The following STOM variants were observed in gnomAD, a reference collection of about 807,000 sequenced individuals.
The protein encoded by STOM is stomatin.
STOM carries 25 observed loss-of-function variants against 30.6 expected under a neutral mutation model. That is an observed-to-expected ratio of 0.82 (90% CI 0.60 to 1.14). The LOEUF (loss-of-function observed/expected upper bound fraction) is 1.14. Among genes scored for constraint, STOM ranks in the 50% most tolerant of loss-of-function variants. The pLI, the probability that STOM is intolerant of heterozygous loss-of-function variation, is 0.00. For synonymous variants in STOM, 118 were observed against 130.8 expected, an observed-to-expected ratio of 0.90 and a Z score of 0.67; for missense variants, 292 against 365.2, an observed-to-expected ratio of 0.80 and a Z score of 1.63.
At position 121,349,426 on chromosome 9, in the gene STOM, T is replaced by C; in HGVS notation, c.322-103A>G. ...AATATCTTATAACACTAGCTGATTT[T>C]CTTTAGTAAGGCATCAGAAAGTTAA... On this transcript the variant is annotated intron_variant, in intron 4 of 6. Transcript: ENST00000286713. 6.2e-6 allele frequency: 6 copies of C among 962,638 alleles called. No homozygotes were observed. In the South Asian group the frequency reaches 1.0e-4, roughly 16 times the overall value. 59.6% of individuals were successfully genotyped at this position (962,638 alleles called of 1,614,324 possible).
chr9:121,361,490 G>A (rs578085106), intron 1 of STOM, among the ~76,000 whole-genome samples: 7 of 140,614 alleles, frequency 5.0e-5, no homozygotes, highest in African/African-American at 1.8e-4. Flanking sequence ...CTGGGTTCAC[G>A]CCATTCTCTT....
intron 1 of STOM, among the ~76,000 whole-genome samples, chr9:121,358,155 T>A (rs564065156): frequency 0.048 from 7,046 of 145,416 alleles, 245 homozygotes; most frequent in Admixed American, 0.1. Context: ...AAAAAAAAAA[T>A]AATAATAATA....
At chr9:121,360,393 G>A (rs192791583) in intron 1 of STOM, among the ~76,000 whole-genome samples, 2 of 151,950 alleles carry the variant, frequency 1.3e-5, no homozygotes, top group Admixed American at 6.6e-5. Context: ...TTATTACACT[G>A]AGATTCCCTG....
chr9:121,341,470 T>G, intron 6 of STOM, 62 bp from the exon 7 acceptor site: 1 of 1,604,746 alleles, frequency 6.2e-7, no homozygotes, highest in South Asian at 1.1e-5. Flanking sequence ...CACAGCACTC[T>G]TCAACCGGGG....
chr9:121,359,015 G>C (rs1428955049), intron 1 of STOM, among the ~76,000 whole-genome samples: 2 of 152,132 alleles, frequency 1.3e-5, no homozygotes, highest in South Asian at 2.1e-4. Flanking sequence ...TTTTTAGTTT[G>C]CTTTTGCTTT....
intron 1 of STOM, among the ~76,000 whole-genome samples, chr9:121,369,625 T>A (rs2064542941): frequency 6.6e-6 from 1 of 151,928 alleles, no homozygotes; most frequent in South Asian, 2.1e-4. Context: ...CAGAGAGACT[T>A]CTTCCTTCTG....
intron 1 of STOM, among the ~76,000 whole-genome samples, chr9:121,366,880 G>A (rs2064508695): frequency 6.6e-6 from 1 of 151,620 alleles, no homozygotes; most frequent in Non-Finnish European, 1.5e-5. Flanking sequence ...TTGAGTCCAG[G>A]AGTTCGAGAC....
chr9:121,357,833 G>A (rs1020623652), intron 1 of STOM, among the ~76,000 whole-genome samples: 5 of 151,734 alleles, frequency 3.3e-5, no homozygotes, highest in African/African-American at 4.8e-5. Flanking sequence ...TTTGGCCTTC[G>A]TGGTTATGCA....
At chr9:121,357,131 T>A (rs1382820396) in intron 1 of STOM, among the ~76,000 whole-genome samples, 1 of 152,148 alleles carries the variant, frequency 6.6e-6, no homozygotes, top group African/African-American at 2.4e-5. Context: ...GTAAAATATT[T>A]CACTAGGTTT....
At chr9:121,360,634 C>A (rs1361524192) in intron 1 of STOM, among the ~76,000 whole-genome samples, 1 of 152,150 alleles carries the variant, frequency 6.6e-6, no homozygotes. Flanking sequence ...AGCATTTACC[C>A]TTTTTGATCA....
At chr9:121,365,810 A>G (rs1199735310) in intron 1 of STOM, among the ~76,000 whole-genome samples, 3 of 152,222 alleles carry the variant, frequency 2.0e-5, no homozygotes, top group African/African-American at 7.2e-5. Context: ...GAAGTATTCA[A>G]CAAGCAGTAG....
chr9:121,369,153 T>C (rs1238776911), intron 1 of STOM, among the ~76,000 whole-genome samples: 2 of 152,316 alleles, frequency 1.3e-5, no homozygotes, highest in East Asian at 3.9e-4. Flanking sequence ...ACAAGGGAAA[T>C]GGAACTTATA....
At chr9:121,364,045 G>A (rs1025809704) in intron 1 of STOM, among the ~76,000 whole-genome samples, 2 of 152,032 alleles carry the variant, frequency 1.3e-5, no homozygotes, top group East Asian at 3.8e-4. Context: ...AAGAAGGGAA[G>A]GACATAGCAG....
intron 1 of STOM, among the ~76,000 whole-genome samples, chr9:121,365,596 G>A (rs1335146784): frequency 1.3e-5 from 2 of 151,586 alleles, no homozygotes; most frequent in Non-Finnish European, 2.9e-5. Context: ...GGAAATGGAA[G>A]CAGAAGAAAA....
At position 121,340,224 on chromosome 9, in the gene STOM, G is replaced by A. The variant is rs2064233846; in HGVS notation, c.*978C>T. 2.0e-6 allele frequency: 2 copies of A among 985,222 alleles called. No homozygotes were observed. The highest frequency in any genetic ancestry group is 1.1e-4 in the East Asian group (1 of 8,834). The allele number at this position is 985,222 out of a possible 1,614,324, so 61.0% of individuals were successfully genotyped here. A position where few individuals can be genotyped will look rare whatever the true frequency, so the allele number is the denominator to read the frequency against. On this transcript the variant is annotated 3_prime_UTR_variant, in exon 7 of 7. Coordinates refer to ENST00000286713, the MANE Select transcript of STOM (RefSeq NM_004099.6). ...GAGGAATCATTTACTCATAAAGAAGGCTCAAATAAGTTAAAACATGGATGT... is the reference window on the plus strand; with the variant it reads ...GAGGAATCATTTACTCATAAAGAAGACTCAAATAAGTTAAAACATGGATGT...
At chr9:121,354,503 G>T in intron 3 of STOM, 98 bp downstream of exon 3, 1 of 952,558 alleles carries the variant, frequency 1.0e-6, no homozygotes, top group Non-Finnish European at 1.6e-6. Context: ...CTGGGCGACG[G>T]AATGAAACCC....
At chr9:121,349,391 TA>T in intron 4 of STOM, 68 bp from the exon 5 acceptor site, 1 of 1,385,078 alleles carries the variant, frequency 7.2e-7, no homozygotes, top group Non-Finnish European at 1.0e-6. Context: ...TAAGGAATGT[TA>T]TTCTACAGAA....
At chr9:121,350,998 G>C (rs1016378377) in intron 4 of STOM, among the ~76,000 whole-genome samples, 1 of 152,144 alleles carries the variant, frequency 6.6e-6, no homozygotes, top group African/African-American at 2.4e-5. Flanking sequence ...CTTTGACTTT[G>C]CCACAGCTTC....
chr9:121,365,204 A>C (rs192153735), intron 1 of STOM, among the ~76,000 whole-genome samples: 22 of 152,234 alleles, frequency 1.4e-4, no homozygotes, highest in Admixed American at 9.8e-4. Context: ...CCTGGGATAC[A>C]GTACAGAACC....
Sources: gnomAD v4.1 joint callset for allele counts (sites outside exome capture counted in the v4.1 genomes callset) on GRCh38, gnomAD v4.1.1 for gene constraint, MANE v1.5 for transcripts, NCBI Gene and HGNC (gene_info 2026-07-23, HGNC 2026-07-21) for gene names.